The following TMEM41B variants were observed in gnomAD, a reference collection of about 807,000 sequenced individuals.
The protein encoded by TMEM41B is protein stasimon.
In TMEM41B, 18 loss-of-function variants were observed where a neutral mutation model predicts 31.9. The ratio of observed to expected loss-of-function variants is 0.56; its 90% CI spans 0.39 to 0.84. The LOEUF (loss-of-function observed/expected upper bound fraction) is 0.84, where lower values mean the gene tolerates loss of function less well. Among genes scored for constraint, TMEM41B ranks in the 40% least tolerant of loss-of-function variants. TMEM41B has a pLI of 0.00. For missense variants in TMEM41B, 322 were observed against 348.0 expected (o/e 0.93, Z 0.59); for synonymous variants, 144 against 124.3 (o/e 1.16, Z -1.05).
At chr11:9,291,392 A>G (rs1317582406) in intron 3 of TMEM41B, among the ~76,000 whole-genome samples, 2 of 128,476 alleles carry the variant, frequency 1.6e-5, no homozygotes, top group Admixed American at 1.6e-4. Flanking sequence ...CAAAAAAATT[A>G]TAATAATAAT....
chr11:9,299,685 T>C lies in TMEM41B; in HGVS notation c.138A>G (p.Glu46=). 6.2e-7 allele frequency: 1 copy of C among 1,608,746 alleles called. No homozygotes were observed. The highest frequency in any genetic ancestry group is 1.1e-5 in the South Asian group (1 of 89,636). Residue 46 remains glutamate (E), a synonymous_variant, in exon 2 of 7, where the codon GAA becomes GAG. Transcript: ENST00000528080. ...RDHQKEKSWV[E]AGSARMSLLI... ...GGAGTGACATTCTTGCTGATCCAGC[T>C]TCTACCCAGGATTTTTCTGGAAGAA... is the stretch of plus-strand genomic sequence containing the variant.
At chr11:9,300,460 C>T (rs569958131) in intron 1 of TMEM41B, among the ~76,000 whole-genome samples, 1 of 152,166 alleles carries the variant, frequency 6.6e-6, no homozygotes, top group Non-Finnish European at 1.5e-5. Context: ...GTTATACTTT[C>T]TCTTTATACC....
At chr11:9,294,661 C>T (rs1853042356) in intron 3 of TMEM41B, among the ~76,000 whole-genome samples, 1 of 151,840 alleles carries the variant, frequency 6.6e-6, no homozygotes, top group Non-Finnish European at 1.5e-5. Flanking sequence ...ATTAAGCACC[C>T]ACAGCTAAGC....
chr11:9,313,484 A>C (rs1398475109), intron 1 of TMEM41B, among the ~76,000 whole-genome samples: 1 of 152,256 alleles, frequency 6.6e-6, no homozygotes, highest in Non-Finnish European at 1.5e-5. Flanking sequence ...ACACGGAATC[A>C]AAGTATTTAG....
chr11:9,299,498 C>G, intron 2 of TMEM41B, 86 bp downstream of exon 2: 1 of 892,936 alleles, frequency 1.1e-6, no homozygotes, highest in East Asian at 2.5e-5. Context: ...GTTGAGATTA[C>G]AGGCATCAGC....
chr11:9,296,021 TA>T, intron 2 of TMEM41B, among the ~76,000 whole-genome samples: 1 of 151,350 alleles, frequency 6.6e-6, no homozygotes, highest in Admixed American at 6.6e-5. Flanking sequence ...CATGCCTGAC[TA>T]ATTTTTGTAT....
In TMEM41B at chr11:9,283,212, C is replaced by T. The variant is rs888910273; in HGVS notation, c.*212G>A. The T allele has an allele frequency of 2.3e-6, 1 of 427,074 alleles. No homozygotes were observed. 26.5% of individuals were successfully genotyped at this position (427,074 alleles called of 1,614,324 possible). ...AAGATGTCTAAGATGTCTACCTTAA[C>T]TATTGATAGCACTTTTCACAGTATA... On this transcript the variant is annotated 3_prime_UTR_variant, in exon 7 of 7. Coordinates refer to ENST00000528080, the MANE Select transcript of TMEM41B (RefSeq NM_015012.4).
At chr11:9,309,152 C>T (rs116271455) in intron 1 of TMEM41B, among the ~76,000 whole-genome samples, 1,762 of 151,944 alleles carry the variant, frequency 0.012, 37 homozygotes, top group African/African-American at 0.039. Flanking sequence ...GAGGCTGAGG[C>T]GGAGAATCGC....
chr11:9,295,449 T>G (rs901660352), intron 2 of TMEM41B, 62 bp from the exon 3 acceptor site: 4 of 923,096 alleles, frequency 4.3e-6, no homozygotes, highest in Non-Finnish European at 6.8e-6. Flanking sequence ...CAAAGTCAAG[T>G]TCACAACATG....
At chr11:9,314,037 CGTT>C in intron 1 of TMEM41B, among the ~76,000 whole-genome samples, 1 of 152,304 alleles carries the variant, frequency 6.6e-6, no homozygotes, top group Middle Eastern at 3.4e-3. Flanking sequence ...TGCCTAGCGT[CGTT>C]ATCATCAACC....
At chr11:9,308,869 C>T (rs535883699) in intron 1 of TMEM41B, among the ~76,000 whole-genome samples, 3 of 152,266 alleles carry the variant, frequency 2.0e-5, no homozygotes, top group African/African-American at 7.2e-5. Context: ...TCAAAATTAA[C>T]ATGGAAGCAT....
chr11:9,307,536 A>C (rs549251642), intron 1 of TMEM41B, among the ~76,000 whole-genome samples: 5 of 151,828 alleles, frequency 3.3e-5, no homozygotes, highest in African/African-American at 9.7e-5. Context: ...TCCGTCTCCC[A>C]GGTTCAAGCA....
intron 1 of TMEM41B, among the ~76,000 whole-genome samples, chr11:9,309,294 C>A (rs1853492133): frequency 6.6e-6 from 1 of 151,930 alleles, no homozygotes; most frequent in African/African-American, 2.4e-5. Context: ...TGCTGAGCAA[C>A]TGGCTCCAGC....
intron 1 of TMEM41B, among the ~76,000 whole-genome samples, chr11:9,300,980 C>T (rs923176563): frequency 5.3e-5 from 8 of 151,986 alleles, no homozygotes; most frequent in Non-Finnish European, 8.8e-5. Context: ...TGGTCAATAG[C>T]GCGAAGGCCA....
At chr11:9,297,624 G>A (rs1158357064) in intron 2 of TMEM41B, among the ~76,000 whole-genome samples, 1 of 152,070 alleles carries the variant, frequency 6.6e-6, no homozygotes, top group Non-Finnish European at 1.5e-5. Context: ...CTGGGAGGTG[G>A]GGGCTGCAGT....
intron 2 of TMEM41B, among the ~76,000 whole-genome samples, chr11:9,298,711 A>G (rs571075672): frequency 7.2e-5 from 11 of 152,100 alleles, no homozygotes; most frequent in South Asian, 6.2e-4. Context: ...CAGAGATCAC[A>G]GTAAGCCAAA....
At chr11:9,299,751 C>A (rs1853200814) in intron 1 of TMEM41B, 50 bp from the exon 2 acceptor site, 9 of 1,285,654 alleles carry the variant, frequency 7.0e-6, no homozygotes, top group Non-Finnish European at 1.0e-5. Flanking sequence ...GGAAGACATG[C>A]TAGCAAATAA....
intron 1 of TMEM41B, among the ~76,000 whole-genome samples, chr11:9,303,571 A>G (rs866859331): frequency 1.3e-5 from 2 of 152,246 alleles, no homozygotes; most frequent in South Asian, 2.1e-4. Flanking sequence ...CAAGTTTTCT[A>G]TAAAAAACTA....
At chr11:9,290,920 A>C (rs947402559) in intron 3 of TMEM41B, among the ~76,000 whole-genome samples, 4 of 152,160 alleles carry the variant, frequency 2.6e-5, no homozygotes, top group African/African-American at 9.7e-5. Context: ...GTTGAAGAAC[A>C]GCCTGGCCAA....
Sources: gnomAD v4.1 joint callset for allele counts (sites outside exome capture counted in the v4.1 genomes callset) on GRCh38, gnomAD v4.1.1 for gene constraint, MANE v1.5 for transcripts, NCBI Gene and HGNC (gene_info 2026-07-23, HGNC 2026-07-21) for gene names.